DDX46: variants seen among roughly 807,000 people sequenced by gnomAD.
The protein encoded by DDX46 is probable ATP-dependent RNA helicase DDX46.
A neutral mutation model predicts 134.9 loss-of-function variants in DDX46; 30 were observed. The observed-to-expected ratio is 0.22, with a 90% CI of 0.17 to 0.30. DDX46 has a LOEUF of 0.30. DDX46 is among the 10% of genes least tolerant of loss of function. DDX46 has a pLI of 1.00. For synonymous variants in DDX46, 415 were observed against 404.1 expected, an observed-to-expected ratio of 1.03 and a Z score of -0.32; for missense variants, 622 against 1,248.7, an observed-to-expected ratio of 0.50 and a Z score of 7.56.
intron 18 of DDX46, among the ~76,000 whole-genome samples, 161 bp downstream of exon 18, chr5:134,812,006 C>T (rs747701351): frequency 1.3e-5 from 2 of 150,858 alleles, no homozygotes; most frequent in Non-Finnish European, 2.9e-5. Context: ...TACCAGTACC[C>T]CTCCTCTCAA....
At chr5:134,765,216 G>A (rs1753528357) in intron 2 of DDX46, among the ~76,000 whole-genome samples, 1 of 151,448 alleles carries the variant, frequency 6.6e-6, no homozygotes, top group Non-Finnish European at 1.5e-5. Context: ...TTACAGGCAT[G>A]CTCCACAAAG....
rs1336428469 is a variant in DDX46, at chr5:134,763,947, C to G, written c.61C>G (p.Arg21Gly). ...RSASRGRSGS[R>G]SRSRSPSDKR... ...GGCATCCCGGGGTCGCTCTGGAAGT[C>G]GGTCTAGAAGTCGCTCACCCTCAGA... Residue 21 changes from arginine to glycine, a missense_variant, in exon 2 of 23, where the codon CGG becomes GGG. Around this residue, in one of 8 missense-constraint regions of DDX46, gnomAD observed 244 missense variants for 349.3 expected, o/e 0.70. Coordinates refer to ENST00000452510, the MANE Select transcript of DDX46 (RefSeq NM_001300860.2). The G allele has an allele frequency of 1.2e-6, 2 of 1,614,124 alleles. No homozygotes were observed. The highest frequency in any genetic ancestry group is 2.2e-5 in the South Asian group (2 of 91,064).
chr5:134,777,504 G>A, intron 5 of DDX46, 70 bp from the exon 6 acceptor site: 3 of 1,564,062 alleles, frequency 1.9e-6, no homozygotes, highest in Non-Finnish European at 2.6e-6. Context: ...AGAGAGGTGG[G>A]GTGTGGTCTG....
intron 15 of DDX46, among the ~76,000 whole-genome samples, 177 bp from the exon 16 acceptor site, chr5:134,807,571 A>C (rs1031343880): frequency 6.6e-6 from 1 of 152,254 alleles, no homozygotes; most frequent in African/African-American, 2.4e-5. Flanking sequence ...TGAAAGATTC[A>C]TAAATGAGTT....
intron 11 of DDX46, among the ~76,000 whole-genome samples, chr5:134,787,977 C>G (rs1215441642): frequency 6.7e-6 from 1 of 148,942 alleles, no homozygotes; most frequent in Non-Finnish European, 1.5e-5. Flanking sequence ...TATGATGACA[C>G]TGCTGCACTG....
intron 5 of DDX46, among the ~76,000 whole-genome samples, chr5:134,776,321 T>C (rs1753935172): frequency 6.7e-6 from 1 of 149,390 alleles, no homozygotes; most frequent in South Asian, 2.1e-4. Flanking sequence ...ACCTGGGAGG[T>C]GAAGGTTGCC....
In DDX46 at chr5:134,782,952, T is replaced by C; in HGVS notation, c.1053T>C (p.Asn351=). ...CTGGGTTTTGTTTTGTAGAGGTAAA[T>C]GTGTTTCGATTGGAAATGGAGGGCA... ...ELAKMSQEEV[N]VFRLEMEGIT... Residue 351 remains asparagine, a synonymous_variant, in exon 9 of 23, where the codon AAT becomes AAC. Transcript: ENST00000452510. 1 of 1,613,382 alleles carries C rather than the reference T, an allele frequency of 6.2e-7. No homozygotes were observed. Among genetic ancestry groups the C allele is most frequent in the Non-Finnish European group, 8.5e-7 (1 of 1,179,594 alleles).
chr5:134,794,737 G>A, intron 13 of DDX46, 113 bp from the exon 14 acceptor site: 1 of 1,348,346 alleles, frequency 7.4e-7, no homozygotes, highest in Non-Finnish European at 1.0e-6. Context: ...GACTGTGGGA[G>A]TGGCAAAACT....
Position 134,777,663 on chromosome 5 carries a change from G to C in DDX46, c.703G>C (p.Val235Leu). 1 of 1,613,722 alleles carries C rather than the reference G, an allele frequency of 6.2e-7. No homozygotes were observed. Among genetic ancestry groups the C allele is most frequent in the Non-Finnish European group, 8.5e-7 (1 of 1,179,930 alleles). ...TCCATTAGATGCTTACATGGAAGAA[G>C]TGAAAGAGGAAGTAAAAAAATTTAA... Reference protein sequence around the residue: ...LDPLDAYMEEVKEEVKKFNMR... With the variant: ...LDPLDAYMEELKEEVKKFNMR... The change falls in exon 6 of 23, where the codon GTG (valine) becomes CTG (leucine). Residue 235 changes from valine (V) to leucine (L), a missense_variant. Around this residue, in one of 8 missense-constraint regions of DDX46, gnomAD observed 244 missense variants for 349.3 expected, o/e 0.70. Transcript: ENST00000452510.
At chr5:134,821,578 G>C (rs1365199192) in intron 21 of DDX46, among the ~76,000 whole-genome samples, 1 of 149,652 alleles carries the variant, frequency 6.7e-6, no homozygotes, top group East Asian at 2.0e-4. Flanking sequence ...CTGTCACCAG[G>C]CTGGAATGCA....
At chr5:134,777,477 C>A in intron 5 of DDX46, 97 bp from the exon 6 acceptor site, 4 of 1,355,026 alleles carry the variant, frequency 3.0e-6, no homozygotes, top group Non-Finnish European at 4.0e-6. Context: ...GGTGTTTGGG[C>A]AGTGGCAGAA....
chr5:134,822,290 A>G (rs1235352301), intron 21 of DDX46, among the ~76,000 whole-genome samples: 1 of 152,094 alleles, frequency 6.6e-6, no homozygotes, highest in African/African-American at 2.4e-5. Flanking sequence ...TTTTGCTCCT[A>G]TACAGTCCCA....
chr5:134,773,941 T>C (rs1247927411), intron 5 of DDX46, 80 bp downstream of exon 5: 78 of 1,353,738 alleles, frequency 5.8e-5, no homozygotes, highest in Non-Finnish European at 5.3e-5. Context: ...GGGTTTTTAA[T>C]CTTTTTTATT....
At chr5:134,807,268 C>T (rs747030259) in intron 15 of DDX46, among the ~76,000 whole-genome samples, 2 of 151,438 alleles carry the variant, frequency 1.3e-5, no homozygotes, top group Non-Finnish European at 2.9e-5. Flanking sequence ...GATCTGCCCG[C>T]CTCGGCCTCT....
intron 3 of DDX46, among the ~76,000 whole-genome samples, chr5:134,770,281 G>C (rs1344284773): frequency 1.3e-5 from 2 of 149,904 alleles, no homozygotes; most frequent in African/African-American, 4.9e-5. Flanking sequence ...TGGGATCATA[G>C]CTGACTGCAG....
intron 21 of DDX46, chr5:134,825,991 CTG>C (rs1444775179): frequency 6.6e-6 from 1 of 152,140 alleles, no homozygotes; most frequent in Non-Finnish European, 1.5e-5. Flanking sequence ...CTCTTTTTCA[CTG>C]TTCATATCCC....
At chr5:134,796,793 C>CCGGGAGGCAGGAGTTGCGG in intron 15 of DDX46, among the ~76,000 whole-genome samples, 1 of 147,070 alleles carries the variant, frequency 6.8e-6, no homozygotes, top group Non-Finnish European at 1.5e-5. Context: ...GCGGAGGTTG[C>CCGGGAGGCAGGAGTTGCGG]TGTGAGCTGA....
intron 5 of DDX46, 137 bp from the exon 6 acceptor site, chr5:134,777,437 C>T: frequency 1.1e-6 from 1 of 896,990 alleles, no homozygotes; most frequent in Non-Finnish European, 1.7e-6. Flanking sequence ...AGCATTTGAA[C>T]TGATGGATGG....
In DDX46 at chr5:134,784,415, A is replaced by G. The variant is rs199725858; in HGVS notation, c.1216A>G (p.Ile406Val). Residue 406 changes from isoleucine to valine, a missense_variant, in exon 10 of 23, where the codon ATA (isoleucine) becomes GTA (valine). Physicochemically the swap from Ile to Val is conservative, Grantham distance 29. Transcript: ENST00000452510. ...TPIQTQAIPA[I>V]MSGRDLIGIA... ...CATCCAAACCCAAGCTATTCCTGCT[A>G]TAATGTCTGGACGAGATTTGATTGG... 14 of 1,613,942 alleles carry G rather than the reference A, an allele frequency of 8.7e-6. No individual in the cohort carries two copies. The East Asian group carries it at 8.9e-5, about 10-fold the overall frequency.
Sources: gnomAD v4.1 joint callset for allele counts (sites outside exome capture counted in the v4.1 genomes callset) on GRCh38, gnomAD v4.1.1 for gene constraint, gnomAD v4.1.1 regional missense constraint, MANE v1.5 for transcripts, NCBI Gene and HGNC (gene_info 2026-07-23, HGNC 2026-07-21) for gene names.